Variants in CADPS2 observed in about 807,000 individuals in gnomAD.
CADPS2 encodes calcium dependent secretion activator 2.
Under a neutral mutation model 172.5 loss-of-function variants are expected in CADPS2, and 93 were observed. That is an observed-to-expected ratio of 0.54 (90% CI 0.46 to 0.64). The LOEUF is 0.64. Ranked by LOEUF, CADPS2 falls within the 30% of genes least tolerant of loss-of-function variation. CADPS2 has a pLI of 0.00. For synonymous variants in CADPS2, 546 were observed against 555.2 expected, an observed-to-expected ratio of 0.98 and a Z score of 0.23; for missense variants, 1,420 against 1,565.9, an observed-to-expected ratio of 0.91 and a Z score of 1.57.
At chr7:122,575,946 T>C (rs2067984728) in intron 7 of CADPS2, among the ~76,000 whole-genome samples, 2 of 152,176 alleles carry the variant, frequency 1.3e-5, no homozygotes, top group African/African-American at 4.8e-5. Flanking sequence ...CATGGTACAT[T>C]TGTTATAACC....
At chr7:122,737,183 T>A in intron 1 of CADPS2, 115 bp from the exon 2 acceptor site, 1 of 594,798 alleles carries the variant, frequency 1.7e-6, no homozygotes, top group Non-Finnish European at 3.0e-6. Flanking sequence ...AACTTTATAG[T>A]AAAGAAAAAT....
chr7:122,326,370 C>T (rs953934087), intron 28 of CADPS2, among the ~76,000 whole-genome samples: 1 of 151,966 alleles, frequency 6.6e-6, no homozygotes, highest in African/African-American at 2.4e-5. Context: ...ATTTTCTGCT[C>T]CTATATGTCT....
intron 28 of CADPS2, among the ~76,000 whole-genome samples, chr7:122,345,132 A>G (rs1033920404): frequency 1.2e-4 from 18 of 151,490 alleles, no homozygotes; most frequent in Admixed American, 1.3e-4. Flanking sequence ...TTTTTTATTT[A>G]GTCATTTTTT....
At chr7:122,326,075 CAA>C (rs35635790) in intron 28 of CADPS2, among the ~76,000 whole-genome samples, 26,952 of 138,760 alleles carry the variant, frequency 0.19, 2,714 homozygotes, top group Non-Finnish European at 0.25. Context: ...GTAGCGATGG[CAA>C]AAAAAAAAAA....
At chr7:122,374,624 G>A (rs1341846349) in intron 25 of CADPS2, among the ~76,000 whole-genome samples, 1 of 151,990 alleles carries the variant, frequency 6.6e-6, no homozygotes, top group Non-Finnish European at 1.5e-5. Flanking sequence ...ACTATCACAA[G>A]ATCAGAAAAC....
chr7:122,404,605 G>A (rs533694859), intron 20 of CADPS2, among the ~76,000 whole-genome samples: 44 of 152,074 alleles, frequency 2.9e-4, no homozygotes, highest in Non-Finnish European at 4.9e-4. Context: ...TTACAGTCCC[G>A]CCAACAGTGG....
intron 1 of CADPS2, among the ~76,000 whole-genome samples, chr7:122,827,848 A>T (rs1030831098): frequency 6.6e-6 from 1 of 152,164 alleles, no homozygotes; most frequent in Non-Finnish European, 1.5e-5. Context: ...CAACAAAAAG[A>T]ATTCAGCAAC....
At chr7:122,628,953 T>A (rs1251230718) in intron 4 of CADPS2, among the ~76,000 whole-genome samples, 11 of 151,654 alleles carry the variant, frequency 7.3e-5, no homozygotes, top group Admixed American at 5.3e-4. Flanking sequence ...ACATTAAAAC[T>A]CTTCTAGATC....
chr7:122,774,138 AC>A (rs1196709074), intron 1 of CADPS2, among the ~76,000 whole-genome samples: 1 of 152,038 alleles, frequency 6.6e-6, no homozygotes, highest in Non-Finnish European at 1.5e-5. Flanking sequence ...AATTTCAATC[AC>A]TATTGCCATA....
intron 3 of CADPS2, among the ~76,000 whole-genome samples, chr7:122,644,310 T>G (rs1195210339): frequency 6.6e-6 from 1 of 152,222 alleles, no homozygotes; most frequent in Non-Finnish European, 1.5e-5. Flanking sequence ...TTACATTTTC[T>G]GAATCATGTA....
chr7:122,711,783 G>A (rs766067135), intron 2 of CADPS2, among the ~76,000 whole-genome samples: 4 of 151,958 alleles, frequency 2.6e-5, no homozygotes, highest in Admixed American at 6.6e-5. Flanking sequence ...CCCCTGAATA[G>A]CTGGGATTAC....
At chr7:122,554,522 G>T (rs1214430673) in intron 8 of CADPS2, 28 bp downstream of exon 8, 1 of 1,549,888 alleles carries the variant, frequency 6.5e-7, no homozygotes, top group Admixed American at 2.0e-5. Flanking sequence ...CAATAATTCA[G>T]GAAAAAAATC....
chr7:122,581,346 G>A (rs1351601151), intron 6 of CADPS2, 56 bp from the exon 7 acceptor site: 2 of 1,377,000 alleles, frequency 1.5e-6, no homozygotes, highest in Non-Finnish European at 1.0e-6. Context: ...TTTTCCCCAA[G>A]GAGATGTGTC....
At chr7:122,689,832 T>C (rs2084100856) in intron 2 of CADPS2, among the ~76,000 whole-genome samples, 2 of 152,178 alleles carry the variant, frequency 1.3e-5, no homozygotes, top group South Asian at 4.1e-4. Flanking sequence ...GCTCTATACA[T>C]GGTGGTGTCC....
At chr7:122,572,459 G>T (rs1231331136) in intron 7 of CADPS2, among the ~76,000 whole-genome samples, 1 of 152,056 alleles carries the variant, frequency 6.6e-6, no homozygotes, top group Non-Finnish European at 1.5e-5. Flanking sequence ...TCTATTAATG[G>T]ACAATAGGTT....
At chr7:122,479,677 A>T (rs1185726731) in intron 12 of CADPS2, among the ~76,000 whole-genome samples, 3 of 152,262 alleles carry the variant, frequency 2.0e-5, no homozygotes, top group African/African-American at 7.2e-5. Context: ...TGATCAACAC[A>T]GAAACCTAGA....
intron 1 of CADPS2, among the ~76,000 whole-genome samples, chr7:122,877,187 C>CA (rs1240570813): frequency 6.6e-6 from 1 of 151,834 alleles, no homozygotes; most frequent in Non-Finnish European, 1.5e-5. Context: ...TCTATTAATA[C>CA]AAAAAAAGGA....
At chr7:122,574,426 A>T (rs2067688362) in intron 7 of CADPS2, among the ~76,000 whole-genome samples, 1 of 118,026 alleles carries the variant, frequency 8.5e-6, no homozygotes, top group African/African-American at 3.2e-5. Context: ...AGCCTGGGTG[A>T]TAGAGTGAGA....
At chr7:122,642,605 T>C (rs1015779035) in intron 3 of CADPS2, among the ~76,000 whole-genome samples, 2 of 151,416 alleles carry the variant, frequency 1.3e-5, no homozygotes, top group Admixed American at 6.6e-5. Context: ...TTAAAAACTA[T>C]GAACATCAAA....
Sources: gnomAD v4.1 joint callset for allele counts (sites outside exome capture counted in the v4.1 genomes callset) on GRCh38, gnomAD v4.1.1 for gene constraint, MANE v1.5 for transcripts, NCBI Gene and HGNC (gene_info 2026-07-23, HGNC 2026-07-21) for gene names.